The following TOR1AIP1 variants were observed in gnomAD, a reference collection of about 807,000 sequenced individuals.
TOR1AIP1 encodes torsin 1A interacting protein 1.
Under a neutral mutation model 63.3 loss-of-function variants are expected in TOR1AIP1, and 54 were observed. The ratio of observed to expected loss-of-function variants is 0.85; its 90% CI spans 0.69 to 1.07. The LOEUF (loss-of-function observed/expected upper bound fraction) is 1.07, where lower values mean the gene tolerates loss of function less well. TOR1AIP1 is among the 50% of genes least tolerant of loss of function. The pLI, the probability that TOR1AIP1 is intolerant of heterozygous loss-of-function variation, is 0.00. For missense variants in TOR1AIP1, 736 were observed against 715.0 expected, an observed-to-expected ratio of 1.03 and a Z score of -0.33; for synonymous variants, 294 against 273.5, an observed-to-expected ratio of 1.07 and a Z score of -0.74.
chr1:179,882,993 G>T lies in TOR1AIP1; in HGVS notation c.475+16G>T, dbSNP rs750078708. On this transcript the variant is annotated intron_variant, in intron 1 of 9. Transcript: ENST00000606911. The stretch of plus-strand genomic sequence containing the variant: ...TCCTCTGAAGGTGAGGACCGCGGAG[G>T]TAACAGTCCCAGCCGCGAGCCAGGG... The T allele has an allele frequency of 1.9e-6, 3 of 1,598,184 alleles. No individual in the cohort carries two copies. Among genetic ancestry groups the T allele is most frequent in the Admixed American group, 3.5e-5 (2 of 57,392 alleles).
At chr1:179,913,577 T>G (rs1434528546) in intron 8 of TOR1AIP1, 1 of 702,410 alleles carries the variant, frequency 1.4e-6, no homozygotes, top group Non-Finnish European at 2.6e-6. Context: ...ATTTTCCCCC[T>G]CTTTACAGCA....
At chr1:179,905,226 T>A (rs1319231041) in intron 6 of TOR1AIP1, among the ~76,000 whole-genome samples, 1 of 151,644 alleles carries the variant, frequency 6.6e-6, no homozygotes, top group Non-Finnish European at 1.5e-5. Context: ...AATATAAAAA[T>A]TAGCTGGGCG....
intron 3 of TOR1AIP1, among the ~76,000 whole-genome samples, chr1:179,898,622 T>TA (rs1309687123): frequency 6.6e-6 from 1 of 152,166 alleles, no homozygotes; most frequent in Non-Finnish European, 1.5e-5. Flanking sequence ...CTCAGTACTT[T>TA]AAGAGACCAA....
chr1:179,913,076 T>C (rs1205258304), intron 8 of TOR1AIP1, among the ~76,000 whole-genome samples: 1 of 152,034 alleles, frequency 6.6e-6, no homozygotes, highest in African/African-American at 2.4e-5. Flanking sequence ...CTAAGAAAGA[T>C]GGAAGGGAAA....
At chr1:179,891,764 C>A (rs1440571465) in intron 3 of TOR1AIP1, among the ~76,000 whole-genome samples, 1 of 151,950 alleles carries the variant, frequency 6.6e-6, no homozygotes, top group Non-Finnish European at 1.5e-5. Context: ...TGGGGTTTCA[C>A]CATGTTGGTC....
chr1:179,892,178 A>G (rs1648105348), intron 3 of TOR1AIP1, among the ~76,000 whole-genome samples: 1 of 152,212 alleles, frequency 6.6e-6, no homozygotes, highest in Admixed American at 6.5e-5. Context: ...AGAGACTTAA[A>G]AAAGCTTTTT....
intron 3 of TOR1AIP1, among the ~76,000 whole-genome samples, chr1:179,899,770 G>A (rs1272340928): frequency 8.6e-5 from 13 of 152,008 alleles, no homozygotes; most frequent in African/African-American, 1.7e-4. Flanking sequence ...TCAGCCTCCC[G>A]AGTAGCTGGG....
At chr1:179,897,766 A>T (rs2148475556) in intron 3 of TOR1AIP1, among the ~76,000 whole-genome samples, 1 of 152,300 alleles carries the variant, frequency 6.6e-6, no homozygotes, top group South Asian at 2.1e-4. Context: ...CTCTCATATT[A>T]GGAAAAGTTC....
Position 179,889,198 on chromosome 1 carries a change from C to T in TOR1AIP1, c.554-115C>T, listed in dbSNP as rs1300068. The T allele has an allele frequency of 0.59, 414,203 of 706,966 alleles. 123,691 individuals carry two copies. The highest frequency in any genetic ancestry group is 0.75 in the East Asian group (25,431 of 34,040). The allele number at this position is 706,966 out of a possible 1,614,324, so 43.8% of individuals were successfully genotyped here. ...AGAAAGCTTGTCTCTACTTCTCTAGCGTAAATAAAAGCTCTGTAAACCTTT... is the reference window on the plus strand; with the variant it reads ...AGAAAGCTTGTCTCTACTTCTCTAGTGTAAATAAAAGCTCTGTAAACCTTT... On this transcript the variant is annotated intron_variant, in intron 2 of 9. Coordinates refer to ENST00000606911, the MANE Select transcript of TOR1AIP1 (RefSeq NM_015602.4).
At chr1:179,889,442 TA>T (rs1558039340) in intron 3 of TOR1AIP1, 73 bp downstream of exon 3, 7 of 1,294,734 alleles carry the variant, frequency 5.4e-6, no homozygotes, top group African/African-American at 1.5e-5. Context: ...GTTGTACATG[TA>T]TTCATATGAT....
intron 6 of TOR1AIP1, 143 bp from the exon 7 acceptor site, chr1:179,907,680 A>G (rs1476982544): frequency 1.3e-5 from 4 of 318,630 alleles, no homozygotes; most frequent in Non-Finnish European, 1.7e-5. Flanking sequence ...TTATATATTT[A>G]TATGCTTGGA....
At chr1:179,899,374 G>A (rs568115726) in intron 3 of TOR1AIP1, among the ~76,000 whole-genome samples, 1 of 152,136 alleles carries the variant, frequency 6.6e-6, no homozygotes, top group South Asian at 2.1e-4. Flanking sequence ...CTGGAAAACA[G>A]TGACATACAT....
At chr1:179,913,269 TA>T (rs760053603) in intron 8 of TOR1AIP1, among the ~76,000 whole-genome samples, 18 of 152,134 alleles carry the variant, frequency 1.2e-4, no homozygotes, top group Non-Finnish European at 2.5e-4. Flanking sequence ...CGGCTTAATT[TA>T]TTTTCTAAAT....
At chr1:179,913,909 G>T in intron 8 of TOR1AIP1, 89 bp from the exon 9 acceptor site, 1 of 1,241,084 alleles carries the variant, frequency 8.1e-7, no homozygotes. Flanking sequence ...TTTTCCTGGT[G>T]GAATTTGTAT....
rs746901630 is a variant in TOR1AIP1, at chr1:179,882,605, C to CA, written c.107dup (p.Asn36LysfsTer74). On this transcript the variant is annotated frameshift_variant, in exon 1 of 10. Coordinates refer to ENST00000606911, the MANE Select transcript of TOR1AIP1 (RefSeq NM_015602.4). LOFTEE classifies it high-confidence loss of function. ...AGAGGGAAGGGGCCGGCTCGCCCCTCAAAATGGCGGCAGCAGCGATGCGCC... is the reference window on the plus strand; with the variant it reads ...AGAGGGAAGGGGCCGGCTCGCCCCTCAAAAATGGCGGCAGCAGCGATGCGCC... 6.5e-7 allele frequency: 1 copy of CA among 1,528,460 alleles called. No individual in the cohort carries two copies. 94.7% of individuals were successfully genotyped at this position (1,528,460 alleles called of 1,614,324 possible). A position where few individuals can be genotyped will look rare whatever the true frequency, so the allele number is the denominator to read the frequency against.
At chr1:179,883,848 A>G (rs1326075530) in intron 1 of TOR1AIP1, 2 of 337,560 alleles carry the variant, frequency 5.9e-6, no homozygotes, top group Non-Finnish European at 1.2e-5. Flanking sequence ...TTAGGACCTA[A>G]CACTGAGTCA....
At chr1:179,883,938 T>C (rs1647826764) in intron 1 of TOR1AIP1, 1 of 272,264 alleles carries the variant, frequency 3.7e-6, no homozygotes, top group Non-Finnish European at 7.5e-6. Context: ...TGGGATGACA[T>C]AGTTTGTGGT....
intron 3 of TOR1AIP1, among the ~76,000 whole-genome samples, chr1:179,889,962 CT>C (rs1448104362): frequency 6.6e-6 from 1 of 152,070 alleles, no homozygotes; most frequent in African/African-American, 2.4e-5. Flanking sequence ...CTTTTCTGCA[CT>C]TTCTTGTTTA....
chr1:179,913,749 A>C, intron 8 of TOR1AIP1: 1 of 685,270 alleles, frequency 1.5e-6, no homozygotes, highest in East Asian at 2.7e-5. Context: ...TTCTCTCAAA[A>C]CTAATTATTG....
Sources: gnomAD v4.1 joint callset for allele counts (sites outside exome capture counted in the v4.1 genomes callset) on GRCh38, gnomAD v4.1.1 for gene constraint, MANE v1.5 for transcripts, NCBI Gene and HGNC (gene_info 2026-07-23, HGNC 2026-07-21) for gene names.